Variants in ADGB observed in about 807,000 individuals in gnomAD.
ADGB encodes calpain-7-like protein.
A neutral mutation model predicts 210.5 loss-of-function variants in ADGB; 172 were observed. The ratio of observed to expected loss-of-function variants is 0.82; its 90% CI spans 0.72 to 0.93. The LOEUF is 0.93. ADGB is among the 40% of genes least tolerant of loss of function. ADGB has a pLI of 0.00. For missense variants in ADGB, 2,025 were observed against 1,964.8 expected (o/e 1.03, Z -0.58); for synonymous variants, 658 against 662.7 (o/e 0.99, Z 0.11).
At chr6:146,728,516 A>G in intron 19 of ADGB, 58 bp from the exon 20 acceptor site, 1 of 1,457,888 alleles carries the variant, frequency 6.9e-7, no homozygotes. Flanking sequence ...ATTAATTTGT[A>G]TAAACTAGAT....
At chr6:146,627,819 G>C (rs955184548) in intron 1 of ADGB, among the ~76,000 whole-genome samples, 2 of 152,040 alleles carry the variant, frequency 1.3e-5, no homozygotes, top group African/African-American at 4.8e-5. Flanking sequence ...ATCTCCTTCT[G>C]TATGCAAGAA....
intron 27 of ADGB, 35 bp from the exon 28 acceptor site, chr6:146,763,866 T>C (rs1329047944): frequency 6.6e-7 from 1 of 1,510,508 alleles, no homozygotes; most frequent in South Asian, 1.3e-5. Flanking sequence ...GTATATCACA[T>C]ATTTTAACTT....
At position 146,691,175 on chromosome 6, in the gene ADGB, G is replaced by A. The variant is rs1776301092; in HGVS notation, c.1371G>A (p.Val457=). 1.3e-6 allele frequency: 2 copies of A among 1,549,632 alleles called. No individual in the cohort carries two copies. The highest frequency in any genetic ancestry group is 1.7e-6 in the Non-Finnish European group (2 of 1,146,290). ...TTTCCCACATCTGTAGCCATCCTGT[G>A]CTGGTGACTAGAAGTAGGTCTTGTC... The part of the protein sequence containing the change: ...YGLSHICSHP[V]LVTRSRSCPL... Residue 457 remains valine (V), a synonymous_variant, in exon 11 of 36, where the codon GTG becomes GTA. Transcript: ENST00000397944.
intron 1 of ADGB, among the ~76,000 whole-genome samples, chr6:146,610,909 C>T (rs1467523153): frequency 2.0e-5 from 3 of 152,052 alleles, no homozygotes; most frequent in Non-Finnish European, 4.4e-5. Context: ...CACACATGCA[C>T]GCTGGCATGG....
intron 25 of ADGB, among the ~76,000 whole-genome samples, chr6:146,744,723 A>G (rs1418245774): frequency 5.3e-5 from 8 of 152,138 alleles, no homozygotes; most frequent in Admixed American, 6.5e-5. Context: ...GATACTCAGT[A>G]CTCGATTATA....
At chr6:146,738,941 A>G (rs1777121823) in intron 23 of ADGB, among the ~76,000 whole-genome samples, 1 of 152,196 alleles carries the variant, frequency 6.6e-6, no homozygotes, top group South Asian at 2.1e-4. Context: ...AGGGCATCGT[A>G]TCAGATAAAA....
chr6:146,760,522 G>A (rs546297052), intron 27 of ADGB, among the ~76,000 whole-genome samples: 9 of 151,978 alleles, frequency 5.9e-5, no homozygotes, highest in African/African-American at 1.9e-4. Context: ...GGACATATGG[G>A]TTTATTGGAG....
At position 146,666,914 on chromosome 6, in the gene ADGB, TA is replaced by T. The variant is rs759557591; in HGVS notation, c.839+13del. On this transcript the variant is annotated intron_variant, in intron 7 of 35. Coordinates refer to ENST00000397944, the MANE Select transcript of ADGB (RefSeq NM_024694.4). ...GTCATTTCTCTTCAGTATGTTTGAC[TA>T]TTAAATTGCTCATATCTATTTTTTT... 2.1e-5 allele frequency: 32 copies of T among 1,517,168 alleles called. 1 individual carries two copies. The South Asian group carries it at 3.5e-4, about 17-fold the overall frequency. The allele number at this position is 1,517,168 out of a possible 1,614,324, so 94.0% of individuals were successfully genotyped here. A position where few individuals can be genotyped will look rare whatever the true frequency, so the allele number is the denominator to read the frequency against.
chr6:146,693,697 T>A (rs1435364891), intron 12 of ADGB, among the ~76,000 whole-genome samples: 2 of 152,130 alleles, frequency 1.3e-5, no homozygotes, highest in Non-Finnish European at 2.9e-5. Flanking sequence ...ATTGTCCAAA[T>A]CTATTTCTTT....
chr6:146,729,830 G>A (rs1311080054), intron 20 of ADGB, among the ~76,000 whole-genome samples: 1 of 152,092 alleles, frequency 6.6e-6, no homozygotes, highest in Admixed American at 6.5e-5. Context: ...CAACTTGTTG[G>A]CATATCATTT....
At position 146,736,431 on chromosome 6, in the gene ADGB, C is replaced by T. The variant is rs550542945; in HGVS notation, c.2795-67C>T. The stretch of plus-strand genomic sequence containing the variant: ...TCAACTTCATTTGTGAAAATGAAGG[C>T]TTTGGACAAGATGATCTTTCAGGCA... On this transcript the variant is annotated intron_variant, in intron 22 of 35. Transcript: ENST00000397944. 22 of 1,041,578 alleles carry T rather than the reference C, an allele frequency of 2.1e-5. No individual in the cohort carries two copies. In the African/African-American group the frequency reaches 3.6e-4, roughly 17 times the overall value. The allele number at this position is 1,041,578 out of a possible 1,614,324, so 64.5% of individuals were successfully genotyped here. A position where few individuals can be genotyped will look rare whatever the true frequency, so the allele number is the denominator to read the frequency against.
At chr6:146,744,227 A>G (rs1777196953) in intron 25 of ADGB, among the ~76,000 whole-genome samples, 5 of 152,170 alleles carry the variant, frequency 3.3e-5, no homozygotes, top group Admixed American at 6.5e-5. Context: ...AGACACCTCA[A>G]GAGAGAACAT....
intron 2 of ADGB, among the ~76,000 whole-genome samples, chr6:146,641,111 G>A (rs573611485): frequency 1.8e-4 from 28 of 151,730 alleles, no homozygotes; most frequent in African/African-American, 6.3e-4. Context: ...ATTCCTATAC[G>A]CCAACAATAG....
Position 146,788,510 on chromosome 6 carries a change from A to G in ADGB, c.4437A>G (p.Lys1479=). The G allele has an allele frequency of 6.4e-7, 1 of 1,551,654 alleles. No homozygotes were observed. The highest frequency in any genetic ancestry group is 1.7e-4 in the Middle Eastern group (1 of 5,992). ...TGTGGAAGAAGTGGCAATTGACCAA[A>G]GGCTTGAGGGATGTGGCAAAATCCA... The part of the protein sequence containing the change: ...SAVWKKWQLT[K]GLRDVAKSTS... Residue 1479 remains lysine (K), a synonymous_variant, in exon 33 of 36, where the codon AAA becomes AAG. Transcript: ENST00000397944.
intron 32 of ADGB, among the ~76,000 whole-genome samples, chr6:146,787,920 A>G (rs112803107): frequency 6.6e-5 from 10 of 150,960 alleles, no homozygotes; most frequent in African/African-American, 2.4e-4. Context: ...TCAGAGTATC[A>G]AGAAAAAACT....
At chr6:146,747,931 T>C (rs957882184) in intron 26 of ADGB, among the ~76,000 whole-genome samples, 2 of 151,256 alleles carry the variant, frequency 1.3e-5, no homozygotes, top group African/African-American at 4.9e-5. Flanking sequence ...TACAGGTGCA[T>C]GCCACCAAGC....
At position 146,733,264 on chromosome 6, in the gene ADGB, G is replaced by T; in HGVS notation, c.2656+9G>T. On this transcript the variant is annotated intron_variant, in intron 21 of 35. Coordinates refer to ENST00000397944, the MANE Select transcript of ADGB (RefSeq NM_024694.4). ...GGAAGAGGTTTCTTTAGGTACCCAT[G>T]AATTGTATATATTTAATCAAGGAAT... 1 of 1,458,862 alleles carries T rather than the reference G, an allele frequency of 6.9e-7. No homozygotes were observed. The allele number at this position is 1,458,862 out of a possible 1,614,324, so 90.4% of individuals were successfully genotyped here.
At chr6:146,619,332 AT>A (rs1780856570) in intron 1 of ADGB, among the ~76,000 whole-genome samples, 2 of 152,082 alleles carry the variant, frequency 1.3e-5, no homozygotes, top group South Asian at 4.1e-4. Flanking sequence ...CAGCCACTCT[AT>A]TTTTTAATAG....
At chr6:146,792,059 C>T (rs1182784800) in intron 33 of ADGB, among the ~76,000 whole-genome samples, 3 of 151,916 alleles carry the variant, frequency 2.0e-5, no homozygotes, top group Non-Finnish European at 4.4e-5. Flanking sequence ...CGTGAGCCAC[C>T]ACACTCAGCC....
Sources: gnomAD v4.1 joint callset for allele counts (sites outside exome capture counted in the v4.1 genomes callset) on GRCh38, gnomAD v4.1.1 for gene constraint, MANE v1.5 for transcripts, NCBI Gene and HGNC (gene_info 2026-07-23, HGNC 2026-07-21) for gene names.